Variants in TNFSF4 observed in about 807,000 individuals in gnomAD.
TNFSF4 encodes tumor necrosis factor ligand superfamily member 4.
A neutral mutation model predicts 7.3 loss-of-function variants in TNFSF4; 4 were observed. The ratio of observed to expected loss-of-function variants is 0.55; its 90% CI spans 0.27 to 1.25. The LOEUF is 1.25. TNFSF4 is among the 50% of genes most tolerant of loss of function. TNFSF4 has a pLI of 0.12. For missense variants in TNFSF4, 181 were observed against 208.8 expected, an observed-to-expected ratio of 0.87 and a Z score of 0.82; for synonymous variants, 76 against 83.7, an observed-to-expected ratio of 0.91 and a Z score of 0.50.
At chr1:173,379,490 C>A in the TNFSF4 span, among the ~76,000 whole-genome samples, 1 of 152,196 alleles carries the variant, frequency 6.6e-6, no homozygotes, top group Non-Finnish European at 1.5e-5. Flanking sequence ...AGAAAATATA[C>A]TCCCCTGTCG....
the TNFSF4 span, among the ~76,000 whole-genome samples, chr1:173,328,396 G>T: frequency 6.6e-6 from 1 of 151,470 alleles, no homozygotes; most frequent in Non-Finnish European, 1.5e-5. Context: ...GGAGATATAG[G>T]TAATGCTAAA....
At chr1:173,325,107 C>G in the TNFSF4 span, among the ~76,000 whole-genome samples, 8 of 152,072 alleles carry the variant, frequency 5.3e-5, no homozygotes, top group East Asian at 3.9e-4. Flanking sequence ...TGACCACATA[C>G]TTGGAAGTAA....
chr1:173,355,480 C>T, the TNFSF4 span, among the ~76,000 whole-genome samples: 1,354 of 152,246 alleles, frequency 8.9e-3, 18 homozygotes, highest in African/African-American at 0.031. Flanking sequence ...AAGGAAGCAT[C>T]TCAGTTCTTT....
the TNFSF4 span, among the ~76,000 whole-genome samples, chr1:173,433,874 T>G: frequency 6.6e-6 from 1 of 152,188 alleles, no homozygotes; most frequent in Non-Finnish European, 1.5e-5. Context: ...TGTAGTCAGT[T>G]AAGATGAGAT....
At chr1:173,258,826 G>A in the TNFSF4 span, among the ~76,000 whole-genome samples, 3 of 152,136 alleles carry the variant, frequency 2.0e-5, no homozygotes, top group Non-Finnish European at 4.4e-5. Context: ...CCAGCCAGGG[G>A]GTTATGGACA....
chr1:173,194,991 G>C (rs1202600683), intron 1 of TNFSF4, among the ~76,000 whole-genome samples: 1 of 151,144 alleles, frequency 6.6e-6, no homozygotes, highest in Non-Finnish European at 1.5e-5. Flanking sequence ...AAATAACATT[G>C]TGATGTAGAA....
At chr1:173,181,402 G>A (rs80218970), downstream of TNFSF4, among the ~76,000 whole-genome samples, 1,807 of 152,228 alleles carry the variant, frequency 0.012, 28 homozygotes, top group African/African-American at 0.04. Flanking sequence ...TCTCAGCATT[G>A]GCAGGACTCC....
chr1:173,231,207 G>C, the TNFSF4 span, among the ~76,000 whole-genome samples: 1 of 152,298 alleles, frequency 6.6e-6, no homozygotes, highest in South Asian at 2.1e-4. Flanking sequence ...TAAATTACTG[G>C]CAAACCGAAT....
chr1:173,243,055 A>G, the TNFSF4 span, among the ~76,000 whole-genome samples: 2 of 141,386 alleles, frequency 1.4e-5, no homozygotes, highest in Non-Finnish European at 3.0e-5. Flanking sequence ...CACATTCCAC[A>G]TTAATCATGA....
At chr1:173,323,959 C>T in the TNFSF4 span, among the ~76,000 whole-genome samples, 1 of 152,320 alleles carries the variant, frequency 6.6e-6, no homozygotes, top group Admixed American at 6.5e-5. Flanking sequence ...TCCACAAGAA[C>T]TTCCCCAATC....
At chr1:173,177,495 T>C in the TNFSF4 span, among the ~76,000 whole-genome samples, 1 of 152,162 alleles carries the variant, frequency 6.6e-6, no homozygotes. Context: ...ATCGGGTTCT[T>C]ACATGGGTGA....
the TNFSF4 span, among the ~76,000 whole-genome samples, chr1:173,382,017 C>G: frequency 6.6e-5 from 10 of 152,258 alleles, no homozygotes; most frequent in Non-Finnish European, 8.8e-5. Context: ...AGCTGGCCAC[C>G]TGAGCCAGCA....
chr1:173,374,532 T>C, the TNFSF4 span, among the ~76,000 whole-genome samples: 2 of 152,154 alleles, frequency 1.3e-5, no homozygotes, highest in Non-Finnish European at 2.9e-5. Context: ...TCGATACACC[T>C]GTGAACCATT....
the TNFSF4 span, among the ~76,000 whole-genome samples, chr1:173,397,084 T>C: frequency 1.3e-5 from 2 of 152,198 alleles, no homozygotes; most frequent in Non-Finnish European, 2.9e-5. Flanking sequence ...TAGTCTGACA[T>C]ATAAAACCTA....
chr1:173,186,808 T>A lies in TNFSF4; in HGVS notation c.260A>T (p.Lys87Met). ...LTSQKEDEIM[K>M]VQNNSVIINC... Reference sequence around the variant, plus strand: ...GATGATGACTGAGTTGTTCTGCACCTTCATGATTTCATCCTCCTTTTGGGA... The same window carrying A: ...GATGATGACTGAGTTGTTCTGCACCATCATGATTTCATCCTCCTTTTGGGA... The change falls in exon 3 of 3, where the codon AAG (lysine) becomes ATG (methionine). Residue 87 changes from lysine (K) to methionine (M), a missense_variant. Transcript: ENST00000281834. The A allele has an allele frequency of 6.2e-7, 1 of 1,612,560 alleles. No individual in the cohort carries two copies. Among genetic ancestry groups the A allele is most frequent in the Non-Finnish European group, 8.5e-7 (1 of 1,179,166 alleles).
the TNFSF4 span, among the ~76,000 whole-genome samples, chr1:173,311,484 A>C: frequency 6.6e-6 from 1 of 151,732 alleles, no homozygotes; most frequent in East Asian, 2.0e-4. Context: ...AATCTGAAGG[A>C]CCCCTCTCCT....
chr1:173,333,123 A>G, the TNFSF4 span, among the ~76,000 whole-genome samples: 3 of 152,220 alleles, frequency 2.0e-5, no homozygotes, highest in African/African-American at 7.2e-5. Context: ...GGGGCAACAA[A>G]GGAAGGGTGG....
the TNFSF4 span, among the ~76,000 whole-genome samples, chr1:173,263,720 CA>C: frequency 0.37 from 56,981 of 152,032 alleles, 10,874 homozygotes; most frequent in Admixed American, 0.45. Flanking sequence ...AGAGATGTTC[CA>C]AAAATGGAGG....
the TNFSF4 span, among the ~76,000 whole-genome samples, chr1:173,449,349 CTTTT>C: frequency 8.2e-6 from 1 of 121,868 alleles, no homozygotes; most frequent in South Asian, 2.5e-4. Flanking sequence ...TTCTTTCTTT[CTTTT>C]TTTTTTTTTC....
Sources: gnomAD v4.1 joint callset for allele counts (sites outside exome capture counted in the v4.1 genomes callset) on GRCh38, gnomAD v4.1.1 for gene constraint, MANE v1.5 for transcripts, NCBI Gene and HGNC (gene_info 2026-07-23, HGNC 2026-07-21) for gene names.